Variants in GLG1 observed in about 807,000 individuals in gnomAD.
GLG1 encodes Golgi apparatus protein 1.
In GLG1, 38 loss-of-function variants were observed where a neutral mutation model predicts 160.5. The ratio of observed to expected loss-of-function variants is 0.24; its 90% confidence interval spans 0.18 to 0.31. GLG1 has a LOEUF of 0.31. Among genes scored for constraint, GLG1 ranks in the 10% least tolerant of loss-of-function variants. GLG1 has a pLI of 1.00. For synonymous variants in GLG1, 644 were observed against 543.4 expected, an observed-to-expected ratio of 1.19 and a Z score of -2.57; for missense variants, 1,373 against 1,505.2, an observed-to-expected ratio of 0.91 and a Z score of 1.45.
chr16:74,558,226 A>C (rs2018405388), intron 1 of GLG1, among the ~76,000 whole-genome samples: 1 of 152,192 alleles, frequency 6.6e-6, no homozygotes, highest in South Asian at 2.1e-4. Flanking sequence ...TGGCTCACCA[A>C]CATTTCACTT....
At chr16:74,511,585 T>TA (rs1172903763) in intron 2 of GLG1, among the ~76,000 whole-genome samples, 1,244 of 85,262 alleles carry the variant, frequency 0.015, 25 homozygotes, top group African/African-American at 0.054. Context: ...CTTTTTTTTT[T>TA]AAAAAAAAAA....
intron 14 of GLG1, 116 bp from the exon 15 acceptor site, chr16:74,471,402 G>C (rs1363716994): frequency 3.0e-6 from 2 of 671,698 alleles, no homozygotes; most frequent in Admixed American, 2.4e-5. Flanking sequence ...ACAAAAAAAA[G>C]ACACACCATA....
intron 8 of GLG1, among the ~76,000 whole-genome samples, chr16:74,488,290 C>T (rs118092038): frequency 0.018 from 2,813 of 152,074 alleles, 35 homozygotes; most frequent in Non-Finnish European, 0.027. Context: ...GCCTGTAATC[C>T]CAGCAGTTTG....
intron 1 of GLG1, among the ~76,000 whole-genome samples, chr16:74,543,644 A>G (rs936472204): frequency 1.2e-4 from 18 of 152,192 alleles, no homozygotes; most frequent in African/African-American, 4.1e-4. Context: ...CACTATATCA[A>G]ACTATATTAT....
At chr16:74,592,401 C>A (rs1410341254) in intron 1 of GLG1, among the ~76,000 whole-genome samples, 1 of 152,124 alleles carries the variant, frequency 6.6e-6, no homozygotes, top group African/African-American at 2.4e-5. Context: ...GCCTTGGCCT[C>A]CCCAAGTGCT....
At position 74,493,145 on chromosome 16, in the gene GLG1, G is replaced by T. The variant is rs759048209; in HGVS notation, c.1051-5C>A. On this transcript the variant is annotated splice_polypyrimidine_tract_variant and splice_region_variant and intron_variant, in intron 6 of 25. Coordinates refer to ENST00000422840, the MANE Select transcript of GLG1 (RefSeq NM_001145667.2). ...GGTTGTAAGTGCTTCTCGACACTGA[G>T]GAAAGAGTACAGCAACAGCCGTGAG... The T allele has an allele frequency of 6.2e-7, 1 of 1,604,662 alleles. No individual in the cohort carries two copies. The highest frequency in any genetic ancestry group is 8.5e-7 in the Non-Finnish European group (1 of 1,174,072).
At chr16:74,479,664 G>C (rs183577894) in intron 11 of GLG1, among the ~76,000 whole-genome samples, 1 of 152,240 alleles carries the variant, frequency 6.6e-6, no homozygotes, top group Non-Finnish European at 1.5e-5. Context: ...ACTGATAATG[G>C]AGCATCTCAG....
chr16:74,481,117 G>A (rs1489225944), intron 10 of GLG1, among the ~76,000 whole-genome samples: 1 of 152,162 alleles, frequency 6.6e-6, no homozygotes, highest in African/African-American at 2.4e-5. Context: ...TTCTAAGTAG[G>A]AATGAAGTTC....
Position 74,463,432 on chromosome 16 carries a change from C to T in GLG1, c.2715G>A (p.Lys905=), listed in dbSNP as rs1597225106. Residue 905 remains lysine (K), a synonymous_variant, in exon 20 of 26, where the codon AAG becomes AAA. Coordinates refer to ENST00000422840, the MANE Select transcript of GLG1 (RefSeq NM_001145667.2). ...CCATCAATTCACTGTTTTTATTTTG[C>T]TTCAAGCACTGCAACATGGTTTTAG... ...ADSKTMLQCL[K]QNKNSELMDP... is the part of the protein sequence containing the mutation. 1 of 1,613,790 alleles carries T rather than the reference C, an allele frequency of 6.2e-7. No homozygotes were observed. The highest frequency in any genetic ancestry group is 8.5e-7 in the Non-Finnish European group (1 of 1,179,674).
At chr16:74,581,562 G>T in intron 1 of GLG1, among the ~76,000 whole-genome samples, 1 of 149,126 alleles carries the variant, frequency 6.7e-6, no homozygotes, top group Non-Finnish European at 1.5e-5. Flanking sequence ...AGGCCAGGAG[G>T]TGCTTCATGC....
intron 5 of GLG1, 130 bp downstream of exon 5, chr16:74,496,311 G>T: frequency 3.1e-6 from 2 of 654,104 alleles, no homozygotes; most frequent in Non-Finnish European, 5.1e-6. Context: ...CAGGTCAGAA[G>T]TTCGTGACCA....
chr16:74,463,212 G>T, intron 20 of GLG1, 144 bp downstream of exon 20: 1 of 735,146 alleles, frequency 1.4e-6, no homozygotes, highest in Non-Finnish European at 2.2e-6. Context: ...GCTCCTCAAA[G>T]GAGGAAGGCC....
chr16:74,509,163 A>AT (rs11295055), intron 2 of GLG1, among the ~76,000 whole-genome samples: 13,945 of 89,696 alleles, frequency 0.16, 1,693 homozygotes, highest in Non-Finnish European at 0.2. Context: ...CTAAAGGACA[A>AT]TTTTTTTTTT....
intron 1 of GLG1, among the ~76,000 whole-genome samples, chr16:74,591,294 G>A (rs544860366): frequency 5.3e-5 from 8 of 150,884 alleles, no homozygotes; most frequent in African/African-American, 2.0e-4. Flanking sequence ...TCGTGCCACT[G>A]CACTCCAGCC....
intron 1 of GLG1, among the ~76,000 whole-genome samples, chr16:74,586,412 GTTGACCACC>G (rs1253874010): frequency 6.6e-6 from 1 of 152,150 alleles, no homozygotes; most frequent in African/African-American, 2.4e-5. Context: ...TACAAGACAA[GTTGACCACC>G]TTGACACACA....
At chr16:74,555,981 A>C (rs902149270) in intron 1 of GLG1, among the ~76,000 whole-genome samples, 1 of 152,092 alleles carries the variant, frequency 6.6e-6, no homozygotes, top group African/African-American at 2.4e-5. Flanking sequence ...CTGGGACTAC[A>C]GGCACATGCC....
chr16:74,522,621 T>A (rs1173002935), intron 2 of GLG1, among the ~76,000 whole-genome samples: 1 of 152,160 alleles, frequency 6.6e-6, no homozygotes, highest in Non-Finnish European at 1.5e-5. Context: ...CTGTCAGACG[T>A]ATGTATTATC....
At chr16:74,492,278 C>G (rs1278871945) in intron 7 of GLG1, among the ~76,000 whole-genome samples, 4 of 150,544 alleles carry the variant, frequency 2.7e-5, no homozygotes, top group African/African-American at 7.3e-5. Flanking sequence ...CAAGCTATTC[C>G]AGAGGCTGAA....
intron 2 of GLG1, among the ~76,000 whole-genome samples, chr16:74,526,089 G>C (rs574482277): frequency 2.0e-5 from 3 of 152,328 alleles, no homozygotes; most frequent in South Asian, 2.1e-4. Context: ...TTTTCCGAGA[G>C]AGAAGTATCA....
Sources: allele counts gnomAD v4.1 joint callset (sites outside exome capture counted in the v4.1 genomes callset), GRCh38; gene constraint gnomAD v4.1.1; transcripts MANE v1.5; gene names NCBI Gene and HGNC (gene_info 2026-07-23, HGNC 2026-07-21).